IRF2: variants seen among roughly 807,000 people sequenced by gnomAD.
IRF2 encodes the protein interferon regulatory factor 2.
IRF2 carries 15 observed loss-of-function variants against 40.6 expected under a neutral mutation model. The observed-to-expected ratio is 0.37, with a 90% confidence interval of 0.25 to 0.57. The LOEUF (loss-of-function observed/expected upper bound fraction) is 0.57. IRF2 is among the 20% of genes least tolerant of loss of function. IRF2 has a pLI of 0.77. For missense variants in IRF2, 317 were observed against 455.7 expected (o/e 0.70, Z 2.77); for synonymous variants, 151 against 165.5 (o/e 0.91, Z 0.67).
intron 7 of IRF2, among the ~76,000 whole-genome samples, chr4:184,393,228 G>C (rs908001351): frequency 3.9e-5 from 6 of 152,216 alleles, no homozygotes; most frequent in African/African-American, 1.4e-4. Flanking sequence ...TCCAGGGCCT[G>C]TGCACTGCAC....
chr4:184,456,326 G>A lies in IRF2; in HGVS notation c.-7+18053C>T, dbSNP rs793808. ...CTAGAAGAGGGGGCATCTGAACTGGGCCTGGAAGCCAAGGGATCCTCAGGT... is the reference window on the plus strand; with the variant it reads ...CTAGAAGAGGGGGCATCTGAACTGGACCTGGAAGCCAAGGGATCCTCAGGT... On this transcript the variant is annotated intron_variant, in intron 1 of 8. Transcript: ENST00000393593. Among the ~76,000 whole-genome samples, 289 of 152,318 alleles carry A rather than the reference G, an allele frequency of 1.9e-3. 1 individual carries two copies. Among genetic ancestry groups the A allele is most frequent in the African/African-American group, 6.7e-3 (279 of 41,568 alleles).
chr4:184,406,717 G>T (rs1036811251), intron 6 of IRF2, among the ~76,000 whole-genome samples: 20 of 152,228 alleles, frequency 1.3e-4, no homozygotes, highest in Admixed American at 2.6e-4. Flanking sequence ...AGTTCAAATG[G>T]GTGGCCCTCG....
intron 6 of IRF2, among the ~76,000 whole-genome samples, chr4:184,401,320 A>G (rs1736657372): frequency 6.6e-6 from 1 of 152,242 alleles, no homozygotes; most frequent in Non-Finnish European, 1.5e-5. Flanking sequence ...TTTAGAGGGC[A>G]GTGGCAATTC....
intron 6 of IRF2, among the ~76,000 whole-genome samples, chr4:184,401,088 T>C (rs1046405335): frequency 1.3e-5 from 2 of 152,268 alleles, no homozygotes; most frequent in Non-Finnish European, 2.9e-5. Flanking sequence ...GCTTGGAGTA[T>C]ATGTGGTGCT....
chr4:184,441,846 G>A (rs532994967), intron 1 of IRF2, among the ~76,000 whole-genome samples: 18 of 152,312 alleles, frequency 1.2e-4, no homozygotes, highest in Middle Eastern at 3.4e-3. Flanking sequence ...ACTGAGGCAC[G>A]TAAGGTTAAG....
chr4:184,408,577 T>C lies in IRF2; in HGVS notation c.412-302A>G, dbSNP rs1283535038. On this transcript the variant is annotated intron_variant, in intron 5 of 8. Transcript: ENST00000393593. This position sits in a 1 kb window ranked among gnomAD's most constrained non-coding sequence, Gnocchi z 4.9. ...AGCTTTGGGGCTACGCAGAGCTGCATCATTGTCTCTGTAAAATGCTGCACT... is the reference window on the plus strand; with the variant it reads ...AGCTTTGGGGCTACGCAGAGCTGCACCATTGTCTCTGTAAAATGCTGCACT... 1.3e-5 allele frequency among the ~76,000 whole-genome samples: 2 copies of C among 152,212 alleles called. No homozygotes were observed. The highest frequency in any genetic ancestry group is 2.9e-5 in the Non-Finnish European group (2 of 68,038).
chr4:184,446,254 A>G (rs1579096616), intron 1 of IRF2, among the ~76,000 whole-genome samples: 1 of 152,312 alleles, frequency 6.6e-6, no homozygotes, highest in East Asian at 1.9e-4. Flanking sequence ...TGGCAGCCAC[A>G]GGAAACTAAT....
intron 8 of IRF2, 49 bp downstream of exon 8, chr4:184,390,654 G>C (rs201616615): frequency 1.3e-6 from 2 of 1,587,398 alleles, no homozygotes; most frequent in Middle Eastern, 1.7e-4. Flanking sequence ...GGAGCTGGTC[G>C]GGAGGCTTTT....
intron 7 of IRF2, among the ~76,000 whole-genome samples, chr4:184,398,489 T>G (rs1418854104): frequency 6.6e-6 from 1 of 151,898 alleles, no homozygotes; most frequent in African/African-American, 2.4e-5. Context: ...AATCCCCGTC[T>G]CTACTAAAAA....
chr4:184,395,193 C>T (rs943982772), intron 7 of IRF2, among the ~76,000 whole-genome samples: 11 of 151,928 alleles, frequency 7.2e-5, no homozygotes, highest in African/African-American at 1.9e-4. Flanking sequence ...GGGTGGATCA[C>T]GAGGTCAGGA....
chr4:184,414,742 GA>G (rs1486628894), intron 5 of IRF2, among the ~76,000 whole-genome samples: 2 of 152,188 alleles, frequency 1.3e-5, no homozygotes, highest in Non-Finnish European at 2.9e-5. Context: ...GTGACCCCAA[GA>G]AAATTCTAAT....
At chr4:184,461,075 G>A (rs558067114) in intron 1 of IRF2, among the ~76,000 whole-genome samples, 4 of 152,218 alleles carry the variant, frequency 2.6e-5, no homozygotes, top group Admixed American at 2.0e-4. Flanking sequence ...ACTTTACCGC[G>A]GGGGGCAGGA....
chr4:184,440,290 C>T (rs926310879), intron 1 of IRF2, among the ~76,000 whole-genome samples: 1 of 152,246 alleles, frequency 6.6e-6, no homozygotes, highest in African/African-American at 2.4e-5. Context: ...CTGCCCCGAG[C>T]TGCTGCAGCG....
At chr4:184,468,772 TC>T (rs1561133154) in intron 1 of IRF2, among the ~76,000 whole-genome samples, 1 of 152,140 alleles carries the variant, frequency 6.6e-6, no homozygotes, top group Non-Finnish European at 1.5e-5. Flanking sequence ...AGGCTCGCTA[TC>T]AAGGCAGGAA....
At chr4:184,433,957 T>C (rs1183383212) in intron 1 of IRF2, among the ~76,000 whole-genome samples, 1 of 152,172 alleles carries the variant, frequency 6.6e-6, no homozygotes, top group Non-Finnish European at 1.5e-5. Context: ...GATCATTTAG[T>C]TGGACACTAT....
At position 184,464,997 on chromosome 4, in the gene IRF2, A is replaced by G. The variant is rs572906733; in HGVS notation, c.-7+9382T>C. On this transcript the variant is annotated intron_variant, in intron 1 of 8. Transcript: ENST00000393593. ...GGTCAAGGTTTAGGGGCCTGACACAATAGTGTCACTCAGGCTGTTGCCCCA... is the reference window on the plus strand; with the variant it reads ...GGTCAAGGTTTAGGGGCCTGACACAGTAGTGTCACTCAGGCTGTTGCCCCA... 2.0e-5 allele frequency among the ~76,000 whole-genome samples: 3 copies of G among 152,290 alleles called. No homozygotes were observed. The East Asian group carries it at 5.8e-4, about 29-fold the overall frequency.
At chr4:184,401,932 C>A (rs1185934775) in intron 6 of IRF2, among the ~76,000 whole-genome samples, 2 of 152,222 alleles carry the variant, frequency 1.3e-5, no homozygotes, top group African/African-American at 4.8e-5. Context: ...GCTCAAGTAT[C>A]CCCCTAGTCA....
intron 7 of IRF2, among the ~76,000 whole-genome samples, chr4:184,397,274 G>A (rs1561083664): frequency 6.6e-6 from 1 of 152,148 alleles, no homozygotes; most frequent in Non-Finnish European, 1.5e-5. Flanking sequence ...ACTCATAGGA[G>A]GTACCTAGAA....
At chr4:184,425,141 TG>T (rs141638494) in intron 2 of IRF2, among the ~76,000 whole-genome samples, 3,487 of 152,242 alleles carry the variant, frequency 0.023, 126 homozygotes, top group African/African-American at 0.081. Context: ...CACAGCCCCA[TG>T]GACAGTGTAT....
Sources: allele counts gnomAD v4.1 joint callset (sites outside exome capture counted in the v4.1 genomes callset), GRCh38; gene constraint gnomAD v4.1.1; non-coding constraint Gnocchi (gnomAD v3.1); transcripts MANE v1.5; gene names NCBI Gene and HGNC (gene_info 2026-07-23, HGNC 2026-07-21).